ANKS1B: variants seen among roughly 807,000 people sequenced by gnomAD.
ANKS1B encodes ankyrin repeat and sterile alpha motif domain containing 1B.
ANKS1B carries 36 observed loss-of-function variants against 148.3 expected under a neutral mutation model. That is an observed-to-expected ratio of 0.24 (90% CI 0.19 to 0.32). ANKS1B has a LOEUF of 0.32. ANKS1B is among the 10% of genes least tolerant of loss of function. ANKS1B has a pLI of 1.00. For synonymous variants in ANKS1B, 542 were observed against 560.8 expected (o/e 0.97, Z 0.47); for missense variants, 1,157 against 1,542.6 (o/e 0.75, Z 4.19).
chr12:99,475,389 A>G (rs971185757), intron 10 of ANKS1B, among the ~76,000 whole-genome samples: 2 of 151,860 alleles, frequency 1.3e-5, no homozygotes, highest in Non-Finnish European at 2.9e-5. Flanking sequence ...ATAAACACCT[A>G]TAAATGGAAA....
At chr12:98,942,321 T>C (rs533989782) in intron 17 of ANKS1B, among the ~76,000 whole-genome samples, 17 of 152,284 alleles carry the variant, frequency 1.1e-4, no homozygotes, top group African/African-American at 4.1e-4. Flanking sequence ...CTTTTGTGAA[T>C]GGCCAAAGTA....
chr12:99,555,400 C>T (rs1412476148), intron 9 of ANKS1B, among the ~76,000 whole-genome samples: 1 of 152,112 alleles, frequency 6.6e-6, no homozygotes, highest in African/African-American at 2.4e-5. Flanking sequence ...AATAGTTTTA[C>T]TTTTTCTCTT....
chr12:98,894,504 C>T (rs369039677), intron 17 of ANKS1B: 4 of 922,626 alleles, frequency 4.3e-6, no homozygotes, highest in Non-Finnish European at 5.2e-6. Context: ...AAAGCGTCTC[C>T]GCAGCCTTCC....
intron 1 of ANKS1B, among the ~76,000 whole-genome samples, chr12:99,836,803 G>A (rs2084924402): frequency 6.6e-6 from 1 of 152,068 alleles, no homozygotes; most frequent in Non-Finnish European, 1.5e-5. Flanking sequence ...AAATAAACCA[G>A]CAGACAAGGC....
intron 9 of ANKS1B, among the ~76,000 whole-genome samples, chr12:99,557,307 A>G (rs77277790): frequency 0.013 from 2,007 of 152,292 alleles, 48 homozygotes; most frequent in African/African-American, 0.046. Flanking sequence ...AGAGATGCCA[A>G]TGGGTCATAG....
intron 17 of ANKS1B, among the ~76,000 whole-genome samples, chr12:98,979,958 T>C (rs2099906758): frequency 6.6e-6 from 1 of 152,186 alleles, no homozygotes; most frequent in Non-Finnish European, 1.5e-5. Context: ...TTCACTACTC[T>C]TTTTTTCTAC....
chr12:99,463,599 T>C (rs535572603), intron 10 of ANKS1B, among the ~76,000 whole-genome samples: 246 of 152,336 alleles, frequency 1.6e-3, no homozygotes, highest in South Asian at 8.1e-3. Context: ...ATACTGCGCT[T>C]TTCCGACAGG....
intron 17 of ANKS1B, among the ~76,000 whole-genome samples, chr12:98,972,197 T>C (rs2153212869): frequency 6.6e-6 from 1 of 152,224 alleles, no homozygotes; most frequent in South Asian, 2.1e-4. Context: ...TTCACAGTCG[T>C]TATGAACAGA....
chr12:99,648,055 C>T, intron 9 of ANKS1B: 1 of 1,387,070 alleles, frequency 7.2e-7, no homozygotes, highest in Non-Finnish European at 9.7e-7. Flanking sequence ...AAAAAGAAAG[C>T]CTGCAGAACA....
At chr12:99,889,115 A>G (rs1363566832) in intron 1 of ANKS1B, among the ~76,000 whole-genome samples, 2 of 152,178 alleles carry the variant, frequency 1.3e-5, no homozygotes, top group African/African-American at 4.8e-5. Flanking sequence ...AATCATTGCC[A>G]GTAGATCCTC....
chr12:98,997,980 A>C (rs1028189994), intron 17 of ANKS1B, among the ~76,000 whole-genome samples: 1 of 152,120 alleles, frequency 6.6e-6, no homozygotes, highest in African/African-American at 2.4e-5. Flanking sequence ...ACCCCTGATA[A>C]TGTTCATGAA....
chr12:99,230,464 A>G (rs916014955), intron 14 of ANKS1B, among the ~76,000 whole-genome samples: 3 of 152,104 alleles, frequency 2.0e-5, no homozygotes, highest in Admixed American at 1.3e-4. Flanking sequence ...TGTTGAATTG[A>G]AAACTGTACC....
intron 2 of ANKS1B, among the ~76,000 whole-genome samples, chr12:99,816,128 A>G (rs1602772571): frequency 6.6e-6 from 1 of 152,006 alleles, no homozygotes; most frequent in South Asian, 2.1e-4. Context: ...CCTTTTCACC[A>G]CATTCCCACC....
At chr12:99,173,860 T>C (rs1473290541) in intron 14 of ANKS1B, among the ~76,000 whole-genome samples, 2 of 152,106 alleles carry the variant, frequency 1.3e-5, no homozygotes, top group African/African-American at 4.8e-5. Context: ...GTTTCTTGCC[T>C]ATCATCTACT....
At chr12:99,512,140 G>A (rs1344171019) in intron 9 of ANKS1B, among the ~76,000 whole-genome samples, 1 of 151,994 alleles carries the variant, frequency 6.6e-6, no homozygotes, top group South Asian at 2.1e-4. Context: ...TACAGAGTGG[G>A]ATAAAATTTT....
intron 14 of ANKS1B, among the ~76,000 whole-genome samples, chr12:99,191,159 C>A (rs1340656948): frequency 1.3e-5 from 2 of 152,064 alleles, no homozygotes; most frequent in Non-Finnish European, 2.9e-5. Context: ...TTATCTCATG[C>A]CAGTTAGAAT....
At chr12:99,694,897 G>A (rs910559814) in intron 8 of ANKS1B, among the ~76,000 whole-genome samples, 3 of 152,138 alleles carry the variant, frequency 2.0e-5, no homozygotes, top group African/African-American at 7.2e-5. Context: ...CTCAAGGCAA[G>A]TACAGTGGAA....
intron 17 of ANKS1B, among the ~76,000 whole-genome samples, chr12:98,893,216 T>A (rs2152701600): frequency 6.6e-6 from 1 of 152,328 alleles, no homozygotes; most frequent in South Asian, 2.1e-4. Context: ...CACCCAGCAC[T>A]ACTCAGGATA....
intron 25 of ANKS1B, among the ~76,000 whole-genome samples, chr12:98,756,829 G>C (rs1049950110): frequency 1.3e-5 from 2 of 150,036 alleles, no homozygotes; most frequent in African/African-American, 2.5e-5. Flanking sequence ...CTGGCTTCAA[G>C]GGATTCTCCT....
Sources: gnomAD v4.1 joint callset for allele counts (sites outside exome capture counted in the v4.1 genomes callset) on GRCh38, gnomAD v4.1.1 for gene constraint, MANE v1.5 for transcripts, NCBI Gene and HGNC (gene_info 2026-07-23, HGNC 2026-07-21) for gene names.